The following SNX8 variants were observed in gnomAD, a reference collection of about 807,000 sequenced individuals.
SNX8 encodes the protein sorting nexin 8.
In SNX8, 25 loss-of-function variants were observed where a neutral mutation model predicts 51.6. The ratio of observed to expected loss-of-function variants is 0.48; its 90% CI spans 0.35 to 0.68. The LOEUF (loss-of-function observed/expected upper bound fraction) is 0.68, where lower values mean the gene tolerates loss of function less well. SNX8 is among the 30% of genes least tolerant of loss of function. The pLI, the probability that SNX8 is intolerant of heterozygous loss-of-function variation, is 0.00. For synonymous variants in SNX8, 324 were observed against 277.0 expected (o/e 1.17, Z -1.68); for missense variants, 695 against 624.0 (o/e 1.11, Z -1.21).
intron 1 of SNX8, among the ~76,000 whole-genome samples, chr7:2,301,226 G>A (rs1242071263): frequency 1.3e-5 from 2 of 152,174 alleles, no homozygotes; most frequent in South Asian, 2.1e-4. Context: ...GTGGCCAGAC[G>A]CAAATCCAAC....
At chr7:2,314,505 C>A, upstream of SNX8, 1 of 1,140,220 alleles carries the variant, frequency 8.8e-7, no homozygotes, top group Non-Finnish European at 1.1e-6. Flanking sequence ...CCGCCCACAC[C>A]CCGCCTGGTC....
At chr7:2,349,539 T>C (rs1690644900) in intron 1 of SNX8, among the ~76,000 whole-genome samples, 1 of 150,692 alleles carries the variant, frequency 6.6e-6, no homozygotes, top group African/African-American at 2.4e-5. Context: ...CCCCACCCCA[T>C]GTTCAAGCGA....
Position 2,269,602 on chromosome 7 carries a change from A to G in SNX8, c.578T>C (p.Val193Ala), listed in dbSNP as rs1433018787. 6.2e-7 allele frequency: 1 copy of G among 1,602,366 alleles called. No homozygotes were observed. Among genetic ancestry groups the G allele is most frequent in the East Asian group, 2.3e-5 (1 of 44,244 alleles). The part of the protein sequence containing the change: ...QNKLKESAQC[V>A]GDEFLNCKLA... ...CTTACAGTTCAGGAATTCGTCCCCGACGCACTGTGCTGACTCCTTTAACTT... is the reference window on the plus strand; with the variant it reads ...CTTACAGTTCAGGAATTCGTCCCCGGCGCACTGTGCTGACTCCTTTAACTT... The change falls in exon 5 of 11, where the codon GTC becomes GCC. Residue 193 changes from valine (V) to alanine (A), a missense_variant. By Grantham distance (64) the Val-to-Ala change is moderately conservative. Coordinates refer to ENST00000222990, the MANE Select transcript of SNX8 (RefSeq NM_013321.4).
chr7:2,273,620 G>C (rs1345113244), intron 3 of SNX8, among the ~76,000 whole-genome samples: 9 of 149,148 alleles, frequency 6.0e-5, no homozygotes, highest in African/African-American at 9.9e-5. Context: ...CACCATAAAA[G>C]AGGCCAGGTG....
intron 3 of SNX8, among the ~76,000 whole-genome samples, chr7:2,272,672 G>A (rs186813334): frequency 2.6e-5 from 4 of 151,766 alleles, no homozygotes; most frequent in East Asian, 2.0e-4. Context: ...CACCGCGCCC[G>A]GCCGAGTTTT....
At chr7:2,278,366 G>C (rs1795833264) in intron 1 of SNX8, 61 bp from the exon 2 acceptor site, 1 of 1,086,290 alleles carries the variant, frequency 9.2e-7, no homozygotes, top group African/African-American at 1.6e-5. Context: ...AGCCTTGGCT[G>C]GGCACAGTGG....
intron 2 of SNX8, among the ~76,000 whole-genome samples, chr7:2,275,815 G>A (rs1454601492): frequency 1.3e-5 from 2 of 151,920 alleles, no homozygotes; most frequent in South Asian, 2.1e-4. Flanking sequence ...TGGCCAACAC[G>A]GTGAAACCTC....
intron 1 of SNX8, among the ~76,000 whole-genome samples, chr7:2,296,972 C>G (rs992346942): frequency 6.6e-6 from 1 of 151,768 alleles, no homozygotes; most frequent in Non-Finnish European, 1.5e-5. Flanking sequence ...AAAATATATG[C>G]AAAATGCTCA....
intron 7 of SNX8, among the ~76,000 whole-genome samples, chr7:2,258,375 C>A (rs1795249499): frequency 6.6e-6 from 1 of 152,204 alleles, no homozygotes; most frequent in Admixed American, 6.5e-5. Flanking sequence ...GCCCGCCCTC[C>A]TGCTCATCAG....
chr7:2,267,593 C>A (rs1584677548), intron 5 of SNX8, among the ~76,000 whole-genome samples: 1 of 143,168 alleles, frequency 7.0e-6, no homozygotes, highest in African/African-American at 2.6e-5. Context: ...GGATTGCAGA[C>A]GGAGTCTCGT....
chr7:2,351,845 T>C (rs530066838), intron 1 of SNX8, among the ~76,000 whole-genome samples: 1 of 146,362 alleles, frequency 6.8e-6, no homozygotes, highest in Non-Finnish European at 1.5e-5. Context: ...AATAAATAAA[T>C]AAATAAATAA....
At chr7:2,335,877 T>C (rs1420295783) in intron 1 of SNX8, among the ~76,000 whole-genome samples, 89 of 149,016 alleles carry the variant, frequency 6.0e-4, no homozygotes, top group Non-Finnish European at 1.0e-4. Flanking sequence ...TGAATGTTAA[T>C]TTGTGGTGAA....
At chr7:2,347,891 G>A (rs975674307) in intron 1 of SNX8, among the ~76,000 whole-genome samples, 16 of 84,166 alleles carry the variant, frequency 1.9e-4, no homozygotes, top group South Asian at 4.5e-4. Context: ...TGATCTGCCC[G>A]CTTCGGCCTC....
chr7:2,286,759 CCA>C (rs1796038565), intron 1 of SNX8, among the ~76,000 whole-genome samples: 6 of 151,282 alleles, frequency 4.0e-5, no homozygotes. Flanking sequence ...ACCTCGTGAT[CCA>C]TGCCTCAGCC....
chr7:2,299,107 A>C (rs1796336282), intron 1 of SNX8, among the ~76,000 whole-genome samples: 1 of 152,004 alleles, frequency 6.6e-6, no homozygotes, highest in Non-Finnish European at 1.5e-5. Context: ...AGGTTCCTCG[A>C]TAGGACAACG....
chr7:2,260,002 AAAAGAAAGAGAGAGAG>A (rs964428954), intron 7 of SNX8, among the ~76,000 whole-genome samples: 11 of 152,290 alleles, frequency 7.2e-5, no homozygotes, highest in South Asian at 6.2e-4. Flanking sequence ...AAAAAAGGAA[AAAAGAAAGAGAGAGAG>A]AAAGAAAGAG....
At chr7:2,337,851 G>GCAAAA (rs1391044621) in intron 1 of SNX8, among the ~76,000 whole-genome samples, 1 of 53,096 alleles carries the variant, frequency 1.9e-5, no homozygotes, top group East Asian at 1.2e-3. Context: ...AGGATATCTT[G>GCAAAA]TAAAAAAAAA....
chr7:2,322,562 C>T (rs751563232), intron 1 of SNX8, among the ~76,000 whole-genome samples: 6 of 152,032 alleles, frequency 3.9e-5, no homozygotes, highest in East Asian at 3.9e-4. Flanking sequence ...GGTGTGGTGG[C>T]GCACGCCTGT....
rs560541597 is a variant in SNX8, at chr7:2,313,083, T to C, written c.94+1245A>G. Among the ~76,000 whole-genome samples, 9 of 151,922 alleles carry C rather than the reference T, an allele frequency of 5.9e-5. No individual in the cohort carries two copies. In the South Asian group the frequency reaches 1.7e-3, roughly 28 times the overall value. On this transcript the variant is annotated intron_variant, in intron 1 of 10. Coordinates refer to ENST00000222990, the MANE Select transcript of SNX8 (RefSeq NM_013321.4). The stretch of plus-strand genomic sequence containing the variant: ...TGGCTAATTTTTTTTGTATTTTTAG[T>C]AGAGACAGGGTTTCACCGTGTTAGC...
Sources: gnomAD v4.1 joint callset for allele counts (sites outside exome capture counted in the v4.1 genomes callset) on GRCh38, gnomAD v4.1.1 for gene constraint, MANE v1.5 for transcripts, NCBI Gene and HGNC (gene_info 2026-07-23, HGNC 2026-07-21) for gene names.